BANK1: variants seen among roughly 807,000 people sequenced by gnomAD.
BANK1 encodes the protein B-cell scaffold protein with ankyrin repeats.
In BANK1, 95 loss-of-function variants were observed where a neutral mutation model predicts 94.5. That is an observed-to-expected ratio of 1.00 (90% CI 0.85 to 1.19). The LOEUF is 1.19. BANK1 is among the 50% of genes most tolerant of loss of function. The pLI is 0.00. For missense variants in BANK1, 987 were observed against 932.2 expected (o/e 1.06, Z -0.77); for synonymous variants, 334 against 308.4 (o/e 1.08, Z -0.87).
chr4:101,979,373 G>A (rs990475716), intron 7 of BANK1, among the ~76,000 whole-genome samples: 5 of 151,838 alleles, frequency 3.3e-5, no homozygotes, highest in African/African-American at 4.8e-5. Context: ...TCCAGAAAGA[G>A]AAAGAACAGT....
At chr4:102,048,195 T>C (rs1204847098) in intron 11 of BANK1, among the ~76,000 whole-genome samples, 1 of 152,136 alleles carries the variant, frequency 6.6e-6, no homozygotes, top group African/African-American at 2.4e-5. Flanking sequence ...TGAACATCAG[T>C]AATGTACCAG....
chr4:101,864,037 G>A (rs1353030557), intron 4 of BANK1, among the ~76,000 whole-genome samples: 2 of 152,082 alleles, frequency 1.3e-5, no homozygotes, highest in African/African-American at 4.8e-5. Flanking sequence ...TATAAGAAAA[G>A]CAGAAAATGA....
intron 5 of BANK1, among the ~76,000 whole-genome samples, chr4:101,890,593 C>T (rs1721827544): frequency 6.8e-6 from 1 of 147,360 alleles, no homozygotes; most frequent in South Asian, 2.1e-4. Flanking sequence ...TTATAAAAAC[C>T]TGATTTTATT....
chr4:102,062,057 A>G (rs1374646232), intron 12 of BANK1: 2 of 152,186 alleles, frequency 1.3e-5, no homozygotes, highest in Admixed American at 6.5e-5. Flanking sequence ...GCAAACAAAG[A>G]TGCATTCCTA....
At chr4:101,850,134 C>A (rs998852413) in intron 2 of BANK1, among the ~76,000 whole-genome samples, 3 of 152,140 alleles carry the variant, frequency 2.0e-5, no homozygotes, top group African/African-American at 7.2e-5. Context: ...AATACAATGT[C>A]AGTAAAAGTC....
At position 101,870,501 on chromosome 4, in the gene BANK1, T is replaced by A. The variant is rs1447402688; in HGVS notation, c.764-4T>A. 6.2e-7 allele frequency: 1 copy of A among 1,609,822 alleles called. No individual in the cohort carries two copies. The highest frequency in any genetic ancestry group is 8.5e-7 in the Non-Finnish European group (1 of 1,178,060). ...GCCCCTAACCCTTGTTTGTTTTTCA[T>A]AAGAGTTTCCTGCTGGTTCAGTCCA... On this transcript the variant is annotated splice_region_variant and splice_polypyrimidine_tract_variant and intron_variant, in intron 4 of 16. Transcript: ENST00000322953.
intron 13 of BANK1, among the ~76,000 whole-genome samples, chr4:102,069,175 G>A (rs1728681276): frequency 6.6e-6 from 1 of 152,194 alleles, no homozygotes; most frequent in East Asian, 1.9e-4. Context: ...TTATGGTATT[G>A]CACTGGAATT....
At chr4:101,961,491 C>T (rs147635224) in intron 7 of BANK1, among the ~76,000 whole-genome samples, 3 of 152,300 alleles carry the variant, frequency 2.0e-5, no homozygotes, top group African/African-American at 7.2e-5. Context: ...TTGTTTTGGT[C>T]ATTCTCCTTT....
At chr4:101,930,753 G>T (rs1723311356) in intron 7 of BANK1, among the ~76,000 whole-genome samples, 2 of 151,516 alleles carry the variant, frequency 1.3e-5, no homozygotes, top group African/African-American at 4.8e-5. Flanking sequence ...AATAAGTAGA[G>T]ATGAGTTTTG....
intron 6 of BANK1, among the ~76,000 whole-genome samples, chr4:101,902,226 A>G (rs1229464767): frequency 1.3e-5 from 2 of 152,214 alleles, no homozygotes; most frequent in East Asian, 1.9e-4. Context: ...CATGACCTCT[A>G]TCTACCCATG....
chr4:101,834,336 A>G (rs990888145), intron 2 of BANK1, among the ~76,000 whole-genome samples: 1 of 152,180 alleles, frequency 6.6e-6, no homozygotes, highest in South Asian at 2.1e-4. Flanking sequence ...AGTAACTTAG[A>G]TGTGCCAATT....
intron 6 of BANK1, among the ~76,000 whole-genome samples, chr4:101,900,252 C>G (rs1252994730): frequency 6.6e-6 from 1 of 152,124 alleles, no homozygotes; most frequent in Non-Finnish European, 1.5e-5. Context: ...ATTTAAGTCA[C>G]TGAGAGTAAC....
intron 11 of BANK1, among the ~76,000 whole-genome samples, chr4:102,059,457 G>A (rs1443367394): frequency 1.3e-5 from 2 of 152,180 alleles, no homozygotes; most frequent in East Asian, 1.9e-4. Context: ...GAACTCTAAC[G>A]TGTGGCAAGG....
At chr4:102,010,590 A>G (rs1726476208) in intron 7 of BANK1, among the ~76,000 whole-genome samples, 2 of 151,718 alleles carry the variant, frequency 1.3e-5, no homozygotes, top group African/African-American at 2.4e-5. Context: ...ACAGGGTTTC[A>G]CCATGTTGGC....
rs143744841 is a variant in BANK1 at position 101,998,016 on chromosome 4, C to A, written c.1207-23498C>A. ...TCTGTTAATTGCGATGTAAGAGTGG[C>A]GATTTTAGATCTTTCCCACTTTCTC... On this transcript the variant is annotated intron_variant, in intron 7 of 16. Coordinates refer to ENST00000322953, the MANE Select transcript of BANK1 (RefSeq NM_017935.5). Among the ~76,000 whole-genome samples the A allele has an allele frequency of 3.8e-3, 578 of 152,172 alleles. 7 individuals are homozygous for A. Among genetic ancestry groups the A allele is most frequent in the African/African-American group, 0.013 (552 of 41,526 alleles).
intron 4 of BANK1, among the ~76,000 whole-genome samples, chr4:101,863,123 G>A (rs1459160521): frequency 6.6e-6 from 1 of 151,476 alleles, no homozygotes; most frequent in African/African-American, 2.4e-5. Flanking sequence ...TCAGTATGGT[G>A]CAATTTGTAC....
intron 6 of BANK1, among the ~76,000 whole-genome samples, chr4:101,909,410 G>A (rs956802389): frequency 2.6e-5 from 4 of 152,162 alleles, no homozygotes; most frequent in Non-Finnish European, 5.9e-5. Context: ...GGGTAGGGAG[G>A]AGGGATAGCA....
At chr4:101,819,615 T>C (rs1324844969) in intron 1 of BANK1, among the ~76,000 whole-genome samples, 1 of 152,148 alleles carries the variant, frequency 6.6e-6, no homozygotes, top group African/African-American at 2.4e-5. Context: ...AACACTTTGA[T>C]TATTTATATT....
intron 7 of BANK1, among the ~76,000 whole-genome samples, chr4:101,946,954 T>A (rs1026348953): frequency 6.6e-6 from 1 of 151,832 alleles, no homozygotes; most frequent in African/African-American, 2.4e-5. Flanking sequence ...ATGATGAACT[T>A]AGTAGTTTGG....
Sources: gnomAD v4.1 joint callset for allele counts (sites outside exome capture counted in the v4.1 genomes callset) on GRCh38, gnomAD v4.1.1 for gene constraint, MANE v1.5 for transcripts, NCBI Gene and HGNC (gene_info 2026-07-23, HGNC 2026-07-21) for gene names.